Variants in PLEKHM3 observed in about 807,000 individuals in gnomAD.
PLEKHM3 encodes the protein pleckstrin homology domain-containing family M member 3.
PLEKHM3 carries 45 observed loss-of-function variants against 81.8 expected under a neutral mutation model. That is an observed-to-expected ratio of 0.55 (90% CI 0.43 to 0.71). The LOEUF is 0.71. PLEKHM3 is among the 30% of genes least tolerant of loss of function. The probability of loss-of-function intolerance (pLI) is 0.00; values close to 1 mark genes in which losing one functional copy is unlikely to be tolerated. For missense variants in PLEKHM3, 788 were observed against 924.3 expected, an observed-to-expected ratio of 0.85 and a Z score of 1.91; for synonymous variants, 352 against 356.4, an observed-to-expected ratio of 0.99 and a Z score of 0.14.
In PLEKHM3 at chr2:207,976,836, G is replaced by A; in HGVS notation, c.1361C>T (p.Ala454Val). Residue 454 changes from alanine (A) to valine (V), a missense_variant, in exon 3 of 8, where the codon GCT becomes GTT. Transcript: ENST00000427836. The surrounding 1 kb of genome is among the most constrained non-coding windows in gnomAD (Gnocchi z 4.1). ...AQEWMEALKI[A>V]ANVARSSEQN... is the part of the protein sequence containing the mutation. ...CTCTGAACTCCTCGCCACATTGGCA[G>A]CTATCTTCAGAGCCTCCATCCATTC... 6.2e-7 allele frequency: 1 copy of A among 1,614,240 alleles called. No homozygotes were observed. The highest frequency in any genetic ancestry group is 8.5e-7 in the Non-Finnish European group (1 of 1,180,050).
At chr2:207,961,908 C>A (rs549727205) in intron 3 of PLEKHM3, among the ~76,000 whole-genome samples, 1 of 152,222 alleles carries the variant, frequency 6.6e-6, no homozygotes, top group Non-Finnish European at 1.5e-5. Context: ...TTACACACAT[C>A]ATTCATCCTC....
intron 6 of PLEKHM3, among the ~76,000 whole-genome samples, chr2:207,876,798 G>A (rs74783927): frequency 0.012 from 1,883 of 152,270 alleles, 41 homozygotes; most frequent in African/African-American, 0.043. Flanking sequence ...CCAAGATTCA[G>A]GTCTGCTCCG....
intron 7 of PLEKHM3, among the ~76,000 whole-genome samples, chr2:207,855,585 T>G (rs1223042196): frequency 6.6e-6 from 1 of 152,080 alleles, no homozygotes; most frequent in Non-Finnish European, 1.5e-5. Flanking sequence ...GGAAGAGGAA[T>G]TTCATGGTGG....
At chr2:207,873,254 C>T (rs114814336) in intron 6 of PLEKHM3, among the ~76,000 whole-genome samples, 8,518 of 152,154 alleles carry the variant, frequency 0.056, 350 homozygotes, top group Non-Finnish European at 0.083. Context: ...CTCAATGAAG[C>T]TGATTGAGAT....
intron 6 of PLEKHM3, among the ~76,000 whole-genome samples, chr2:207,888,056 CA>C (rs1489928238): frequency 3.3e-5 from 5 of 152,118 alleles, no homozygotes; most frequent in African/African-American, 1.2e-4. Flanking sequence ...ATCTCTGCAA[CA>C]GGCTTCTCGG....
At chr2:207,948,349 CTTT>C (rs752976462) in intron 3 of PLEKHM3, among the ~76,000 whole-genome samples, 3 of 81,060 alleles carry the variant, frequency 3.7e-5, no homozygotes, top group African/African-American at 5.5e-5. Context: ...CTCCTCAGAT[CTTT>C]TTTTTTTTTT....
chr2:208,012,804 G>A (rs146315830), intron 1 of PLEKHM3, among the ~76,000 whole-genome samples: 2 of 152,174 alleles, frequency 1.3e-5, no homozygotes, highest in Non-Finnish European at 2.9e-5. Flanking sequence ...GCACAAATGT[G>A]GACAAAGTAT....
At chr2:207,994,154 A>G (rs1448084673) in intron 2 of PLEKHM3, among the ~76,000 whole-genome samples, 1 of 152,224 alleles carries the variant, frequency 6.6e-6, no homozygotes, top group Non-Finnish European at 1.5e-5. Flanking sequence ...TAGAGTTTGG[A>G]TAACCTTTCG....
At chr2:207,849,810 G>A (rs1038594650) in intron 7 of PLEKHM3, among the ~76,000 whole-genome samples, 1 of 152,196 alleles carries the variant, frequency 6.6e-6, no homozygotes, top group African/African-American at 2.4e-5. Flanking sequence ...AATGTTGTCA[G>A]TGTTCTTATG....
intron 7 of PLEKHM3, among the ~76,000 whole-genome samples, chr2:207,847,167 A>G (rs1265551204): frequency 6.6e-6 from 1 of 152,236 alleles, no homozygotes; most frequent in Non-Finnish European, 1.5e-5. Flanking sequence ...TGGTGGCTTC[A>G]GCAGCTAGGA....
chr2:207,991,709 T>C (rs2106070135), intron 2 of PLEKHM3, among the ~76,000 whole-genome samples: 1 of 152,258 alleles, frequency 6.6e-6, no homozygotes, highest in South Asian at 2.1e-4. Context: ...AAAATGTTTT[T>C]TAAAATGATC....
chr2:207,862,986 T>C (rs1251794672), intron 6 of PLEKHM3, among the ~76,000 whole-genome samples: 1 of 152,200 alleles, frequency 6.6e-6, no homozygotes. Context: ...TCTGGAAGAC[T>C]GTGGTGAGGT....
intron 6 of PLEKHM3, among the ~76,000 whole-genome samples, chr2:207,893,551 G>A (rs1281922218): frequency 6.6e-6 from 1 of 152,072 alleles, no homozygotes; most frequent in East Asian, 1.9e-4. Flanking sequence ...CCAGACATGC[G>A]GGATCCTGGG....
chr2:207,831,771 T>C (rs1047091718), intron 7 of PLEKHM3, among the ~76,000 whole-genome samples: 1 of 152,260 alleles, frequency 6.6e-6, no homozygotes, highest in African/African-American at 2.4e-5. Context: ...GTCAGACCCA[T>C]GTCTTCTAGA....
chr2:207,841,202 C>T (rs1437188904), intron 7 of PLEKHM3, among the ~76,000 whole-genome samples: 1 of 151,206 alleles, frequency 6.6e-6, no homozygotes. Context: ...CGCGGTGGCT[C>T]ACGCCTGTAA....
chr2:207,971,493 T>A (rs1470208620), intron 3 of PLEKHM3, among the ~76,000 whole-genome samples: 1 of 152,062 alleles, frequency 6.6e-6, no homozygotes, highest in Non-Finnish European at 1.5e-5. Context: ...CTGATCACTA[T>A]ACATATGTAT....
At chr2:207,917,777 C>T (rs950160070) in intron 5 of PLEKHM3, among the ~76,000 whole-genome samples, 3 of 151,934 alleles carry the variant, frequency 2.0e-5, no homozygotes, top group African/African-American at 2.4e-5. Flanking sequence ...CTTGGGAGGT[C>T]GAGGCTGCAG....
chr2:207,953,531 A>G lies in PLEKHM3; in HGVS notation c.1547-7019T>C, dbSNP rs1206211268. 7.2e-5 allele frequency among the ~76,000 whole-genome samples: 11 copies of G among 152,276 alleles called. No homozygotes were observed. The East Asian group carries it at 2.1e-3, about 29-fold the overall frequency. Reference sequence around the variant, plus strand: ...CTGCACAAGCCGGGTGTGGTGGCTCATGCCTATAATCCTTTGGGAGGCTGA... The same window carrying G: ...CTGCACAAGCCGGGTGTGGTGGCTCGTGCCTATAATCCTTTGGGAGGCTGA... On this transcript the variant is annotated intron_variant, in intron 3 of 7. Coordinates refer to ENST00000427836, the MANE Select transcript of PLEKHM3 (RefSeq NM_001080475.3).
At chr2:207,841,413 C>T (rs1245316172) in intron 7 of PLEKHM3, among the ~76,000 whole-genome samples, 2 of 125,896 alleles carry the variant, frequency 1.6e-5, no homozygotes, top group Non-Finnish European at 3.1e-5. Flanking sequence ...CACGCCATTG[C>T]ACTCCAGCCC....
Sources: gnomAD v4.1 joint callset for allele counts (sites outside exome capture counted in the v4.1 genomes callset) on GRCh38, gnomAD v4.1.1 for gene constraint, Gnocchi (gnomAD v3.1) non-coding constraint, MANE v1.5 for transcripts, NCBI Gene and HGNC (gene_info 2026-07-23, HGNC 2026-07-21) for gene names.